SPG7: variants seen among roughly 807,000 people sequenced by gnomAD.
SPG7 encodes SPG7 matrix AAA peptidase subunit, paraplegin.
Under a neutral mutation model 81.9 loss-of-function variants are expected in SPG7, and 103 were observed. That is an observed-to-expected ratio of 1.26 (90% CI 1.07 to 1.48). The LOEUF is 1.48. SPG7 is among the 40% of genes most tolerant of loss of function. SPG7 has a pLI of 0.00. For synonymous variants in SPG7, 534 were observed against 444.2 expected (o/e 1.20, Z -2.54); for missense variants, 1,241 against 1,087.3 (o/e 1.14, Z -1.99).
In SPG7 at chr16:89,510,057, C is replaced by G. The variant is rs138211414; in HGVS notation, c.184-433C>G. On this transcript the variant is annotated intron_variant, in intron 1 of 16. Coordinates refer to ENST00000645818, the MANE Select transcript of SPG7 (RefSeq NM_003119.4). ...TGGTGCTATCTCGGCTTACTGCAACCTCTGCCTCCCGGGTTCAAGCGATTC... is the reference window on the plus strand; with the variant it reads ...TGGTGCTATCTCGGCTTACTGCAACGTCTGCCTCCCGGGTTCAAGCGATTC... Among the ~76,000 whole-genome samples the G allele has an allele frequency of 9.5e-3, 1,444 of 152,128 alleles. 27 individuals are homozygous for G. The highest frequency in any genetic ancestry group is 0.033 in the African/African-American group (1,372 of 41,494).
intron 8 of SPG7, 73 bp from the exon 9 acceptor site, chr16:89,532,386 TTGTC>T (rs1249988441): frequency 1.4e-5 from 22 of 1,535,722 alleles, no homozygotes; most frequent in East Asian, 6.7e-5. Context: ...GTGTAGAACT[TTGTC>T]TGGCCCGGGT....
intron 5 of SPG7, chr16:89,527,502 T>G (rs1370793663): frequency 1.3e-5 from 2 of 152,184 alleles, no homozygotes; most frequent in Non-Finnish European, 2.9e-5. Context: ...CAAGGCAAGA[T>G]CAGCCTAGCA....
chr16:89,538,136 G>A (rs901908680), intron 9 of SPG7: 1 of 152,188 alleles, frequency 6.6e-6, no homozygotes, highest in Non-Finnish European at 1.5e-5. Context: ...GGAGCGGGAT[G>A]GGGATGCAGC....
chr16:89,516,048 C>T (rs1330788308), intron 3 of SPG7, among the ~76,000 whole-genome samples: 3 of 151,326 alleles, frequency 2.0e-5, no homozygotes, highest in East Asian at 2.0e-4. Flanking sequence ...AGTGCAATGG[C>T]GTAATTTCAG....
chr16:89,552,422 C>T (rs186884566), intron 13 of SPG7: 171 of 166,608 alleles, frequency 1.0e-3, no homozygotes, highest in Middle Eastern at 3.1e-3. Flanking sequence ...GTGGCCATCT[C>T]GCCGCCACAA....
chr16:89,544,516 C>A, intron 9 of SPG7, 132 bp from the exon 10 acceptor site: 1 of 1,028,100 alleles, frequency 9.7e-7, no homozygotes, highest in Non-Finnish European at 1.5e-6. Flanking sequence ...TTCAGAAGGA[C>A]CGGGCTGTTC....
chr16:89,546,887 T>C (rs1307634866), intron 11 of SPG7, 127 bp downstream of exon 11: 1 of 723,616 alleles, frequency 1.4e-6, no homozygotes, highest in Non-Finnish European at 2.5e-6. Context: ...CTCTGCTCAG[T>C]ACAAGCCTGG....
rs1356178300 is a variant in SPG7 at position 89,508,607 on chromosome 16, C to T, written c.183+7C>T. ...TGGAGGCCGAGCTCTGCAGGTAAAT[C>T]CCCGCGGAGTCCGGGCCCCACCTCC... On this transcript the variant is annotated splice_region_variant and intron_variant, in intron 1 of 16. Coordinates refer to ENST00000645818, the MANE Select transcript of SPG7 (RefSeq NM_003119.4). 5 of 1,455,180 alleles carry T rather than the reference C, an allele frequency of 3.4e-6. No individual in the cohort carries two copies. Among genetic ancestry groups the T allele is most frequent in the Non-Finnish European group, 4.5e-6 (5 of 1,108,772 alleles). 90.1% of individuals were successfully genotyped at this position (1,455,180 alleles called of 1,614,324 possible).
chr16:89,510,691 G>A (rs188786549), intron 2 of SPG7, 99 bp downstream of exon 2: 10 of 775,352 alleles, frequency 1.3e-5, no homozygotes, highest in Middle Eastern at 2.3e-4. Flanking sequence ...ACGGGATCTC[G>A]CCCTGTTGCA....
At chr16:89,554,052 A>G in intron 15 of SPG7, 92 bp downstream of exon 15, 1 of 1,367,626 alleles carries the variant, frequency 7.3e-7, no homozygotes, top group Non-Finnish European at 1.0e-6. Flanking sequence ...CGGCCGCCCC[A>G]GCGGAGCTCA....
chr16:89,531,380 ATTTTT>A (rs757431984), intron 7 of SPG7: 1 of 176,718 alleles, frequency 5.7e-6, no homozygotes, highest in African/African-American at 2.4e-5. Context: ...TATTTAATTA[ATTTTT>A]TTTTTCGAGA....
intron 10 of SPG7, 77 bp from the exon 11 acceptor site, chr16:89,546,581 C>A (rs893943763): frequency 1.1e-4 from 102 of 968,040 alleles, no homozygotes; most frequent in South Asian, 1.8e-4. Context: ...ACCCCCCCCC[C>A]CCACAGACAA....
rs11559074 is a variant in SPG7 at position 89,508,584 on chromosome 16, G to T, written c.167G>T (p.Gly56Val). Residue 56 changes from glycine (G) to valine (V), a missense_variant, in exon 1 of 17, where the codon GGA (glycine) becomes GTA (valine). Transcript: ENST00000645818. Reference sequence around the variant, plus strand: ...CCTCCGGGGGACCTCGCCGAGGCTGGAGGCCGAGCTCTGCAGGTAAATCCC... The same window carrying T: ...CCTCCGGGGGACCTCGCCGAGGCTGTAGGCCGAGCTCTGCAGGTAAATCCC... ...SRPPGDLAEA[G>V]GRALQSLQLR... 4 of 1,483,048 alleles carry T rather than the reference G, an allele frequency of 2.7e-6. No homozygotes were observed. The Admixed American group carries it at 7.0e-5, about 26-fold the overall frequency. 91.9% of individuals were successfully genotyped at this position (1,483,048 alleles called of 1,614,324 possible).
chr16:89,515,622 C>T (rs1344804662), intron 3 of SPG7, among the ~76,000 whole-genome samples: 1 of 147,812 alleles, frequency 6.8e-6, no homozygotes, highest in Non-Finnish European at 1.5e-5. Flanking sequence ...CACCTGTAAT[C>T]TGAGCACTTT....
In SPG7 at chr16:89,526,700, C is replaced by A. The variant is rs1480873903; in HGVS notation, c.758+232C>A. The A allele has an allele frequency of 1.2e-5, 6 of 491,402 alleles. No individual in the cohort carries two copies. In the East Asian group the frequency reaches 1.3e-4, roughly 10 times the overall value. 30.4% of individuals were successfully genotyped at this position (491,402 alleles called of 1,614,324 possible). On this transcript the variant is annotated intron_variant, in intron 5 of 16. Transcript: ENST00000645818. ...TTCTCGGACTTCCCAAGGATACCAG[C>A]ACCTGAGGATGCCTAAGCCCCTGGT...
At chr16:89,537,360 C>T (rs1390613467) in intron 9 of SPG7, 1 of 1,150,790 alleles carries the variant, frequency 8.7e-7, no homozygotes, top group South Asian at 2.4e-5. Flanking sequence ...GGCTCCTGTG[C>T]TGGAAAGCGT....
chr16:89,548,144 T>C (rs770845885), intron 12 of SPG7, 31 bp downstream of exon 12: 1 of 1,476,220 alleles, frequency 6.8e-7, no homozygotes, highest in African/African-American at 1.4e-5. Context: ...GTGAAGGCCC[T>C]CCTTAGCAGG....
At chr16:89,553,708 C>A in intron 14 of SPG7, 86 bp from the exon 15 acceptor site, 1 of 1,358,650 alleles carries the variant, frequency 7.4e-7, no homozygotes, top group Non-Finnish European at 1.0e-6. Context: ...GGTGCTGCCT[C>A]AGTGCTCTGA....
rs368366535 is a variant in SPG7 at position 89,531,913 on chromosome 16, C to T, written c.997C>T (p.Arg333Cys). The change falls in exon 8 of 17, where the codon CGC becomes TGC. Residue 333 changes from arginine (R) to cysteine (C), a missense_variant. By Grantham distance (180) the Arg-to-Cys change is radical. Coordinates refer to ENST00000645818, the MANE Select transcript of SPG7 (RefSeq NM_003119.4). ...GTCTGCTGCCGTCCAGAGCCCAGAA[C>T]GCTTCCTCCAGCTTGGCGCCAAGGT... The part of the protein sequence containing the change: ...EFVDYLKSPE[R>C]FLQLGAKVPK... 1.1e-5 allele frequency: 18 copies of T among 1,613,980 alleles called. No homozygotes were observed. Among genetic ancestry groups the T allele is most frequent in the South Asian group, 3.3e-5 (3 of 91,086 alleles).
Sources: allele counts gnomAD v4.1 joint callset (sites outside exome capture counted in the v4.1 genomes callset), GRCh38; gene constraint gnomAD v4.1.1; transcripts MANE v1.5; gene names NCBI Gene and HGNC (gene_info 2026-07-23, HGNC 2026-07-21).